CNGA3: variants seen among roughly 807,000 people sequenced by gnomAD.
CNGA3 encodes the protein cyclic nucleotide gated channel subunit alpha 3.
CNGA3 carries 42 observed loss-of-function variants against 46.6 expected under a neutral mutation model. The observed-to-expected ratio is 0.90, with a 90% confidence interval of 0.70 to 1.17. The LOEUF (loss-of-function observed/expected upper bound fraction) is 1.17. Among genes scored for constraint, CNGA3 ranks in the 50% most tolerant of loss-of-function variants. CNGA3 has a pLI of 0.00. For synonymous variants in CNGA3, 394 were observed against 369.4 expected, an observed-to-expected ratio of 1.07 and a Z score of -0.76; for missense variants, 893 against 890.7, an observed-to-expected ratio of 1.00 and a Z score of -0.03.
chr2:98,351,735 A>G (rs1691774675), intron 1 of CNGA3, among the ~76,000 whole-genome samples: 1 of 152,328 alleles, frequency 6.6e-6, no homozygotes, highest in South Asian at 2.1e-4. Flanking sequence ...GGTCATTATT[A>G]TTAATGTCAT....
chr2:98,394,368 G>T (rs992987173), intron 7 of CNGA3, among the ~76,000 whole-genome samples: 5 of 152,142 alleles, frequency 3.3e-5, no homozygotes, highest in Non-Finnish European at 4.4e-5. Flanking sequence ...TAACAGTCAC[G>T]TGCAACCAAG....
chr2:98,364,173 T>C (rs1264804533), intron 1 of CNGA3, among the ~76,000 whole-genome samples: 2 of 152,006 alleles, frequency 1.3e-5, no homozygotes. Context: ...AGATCAGAAG[T>C]TCAAGACTAG....
Position 98,369,948 on chromosome 2 carries a change from G to C in CNGA3, c.-28G>C. 6.4e-7 allele frequency: 1 copy of C among 1,572,344 alleles called. No homozygotes were observed. The highest frequency in any genetic ancestry group is 1.7e-4 in the Middle Eastern group (1 of 5,976). Reference sequence around the variant, plus strand: ...TGTGTTCACATTTTAGCAATCATCTGGGGGGCTAAATGTGACAAACCGAGA... The same window carrying C: ...TGTGTTCACATTTTAGCAATCATCTCGGGGGCTAAATGTGACAAACCGAGA... On this transcript the variant is annotated 5_prime_UTR_variant, in exon 2 of 8. Coordinates refer to ENST00000272602, the MANE Select transcript of CNGA3 (RefSeq NM_001298.3).
chr2:98,393,775 G>A (rs1033784243), intron 7 of CNGA3, among the ~76,000 whole-genome samples: 1 of 152,124 alleles, frequency 6.6e-6, no homozygotes. Flanking sequence ...CTGGGAGAGA[G>A]GGAGGCACAG....
chr2:98,367,167 G>GTTTATTTTCTTTTTTTTTTTTTT lies in CNGA3; in HGVS notation c.-37-2769_-37-2768insATTTTCTTTTTTTTTTTTTTTTT, dbSNP rs751611132. Among the ~76,000 whole-genome samples, 29 of 101,612 alleles carry GTTTATTTTCTTTTTTTTTTTTTT rather than the reference G, an allele frequency of 2.9e-4. 2 individuals carry two copies. Among genetic ancestry groups the GTTTATTTTCTTTTTTTTTTTTTT allele is most frequent in the African/African-American group, 8.7e-4 (26 of 29,930 alleles). The allele number at this position is 101,612 out of a possible 152,430, so 66.7% of individuals were successfully genotyped here. ...TTGGTGAGAACCTCTGACATCAGCT[G>GTTTATTTTCTTTTTTTTTTTTTT]TTTTTTTTCTTTTTTTTCTTTTTTT... On this transcript the variant is annotated intron_variant, in intron 1 of 7. Transcript: ENST00000272602.
At chr2:98,348,708 A>G (rs1691702100) in intron 1 of CNGA3, among the ~76,000 whole-genome samples, 1 of 152,158 alleles carries the variant, frequency 6.6e-6, no homozygotes, top group African/African-American at 2.4e-5. Flanking sequence ...GACCTAATGC[A>G]TTTTGGTAAC....
intron 1 of CNGA3, among the ~76,000 whole-genome samples, chr2:98,350,253 G>T (rs72819927): frequency 6.6e-6 from 1 of 152,006 alleles, no homozygotes; most frequent in Non-Finnish European, 1.5e-5. Flanking sequence ...CTTCCTCATC[G>T]AGTTGTTGTG....
chr2:98,380,361 A>G lies in CNGA3; in HGVS notation c.395+7A>G. 1 of 1,613,032 alleles carries G rather than the reference A, an allele frequency of 6.2e-7. No individual in the cohort carries two copies. The highest frequency in any genetic ancestry group is 8.5e-7 in the Non-Finnish European group (1 of 1,179,474). ...CAGCAGACAGAGGGAGAAGGTAAGG[A>G]ACGGAAAAGAAGAAGGGGCCTCTGG... On this transcript the variant is annotated splice_region_variant and intron_variant, in intron 4 of 7. Transcript: ENST00000272602.
At position 98,354,653 on chromosome 2, in the gene CNGA3, T is replaced by A. The variant is rs557750867; in HGVS notation, c.-38+8119T>A. 1.6e-4 allele frequency among the ~76,000 whole-genome samples: 24 copies of A among 152,250 alleles called. No individual in the cohort carries two copies. In the South Asian group the frequency reaches 5.0e-3, roughly 32 times the overall value. ...TTTAAAATATAGCTAGGCATGGTGG[T>A]GTGCACCTGTGGTCCCAGCTACTTA... On this transcript the variant is annotated intron_variant, in intron 1 of 7. Coordinates refer to ENST00000272602, the MANE Select transcript of CNGA3 (RefSeq NM_001298.3).
rs150887181 is a variant in CNGA3 at position 98,377,277 on chromosome 2, A to G, written c.102-410A>G. The G allele has an allele frequency of 2.1e-3, 430 of 203,348 alleles. 2 individuals are homozygous for G. Among genetic ancestry groups the G allele is most frequent in the African/African-American group, 9.5e-3 (413 of 43,426 alleles). 12.6% of individuals were successfully genotyped at this position (203,348 alleles called of 1,614,324 possible). A position where few individuals can be genotyped will look rare whatever the true frequency, so the allele number is the denominator to read the frequency against. ...AAGACCCCTAAGGAGCGGGTATTCA[A>G]TCTAGCCTCAGAAGATGAAATTCAG... On this transcript the variant is annotated intron_variant, in intron 2 of 7. Coordinates refer to ENST00000272602, the MANE Select transcript of CNGA3 (RefSeq NM_001298.3).
intron 3 of CNGA3, chr2:98,378,207 C>G: frequency 1.3e-6 from 2 of 1,549,344 alleles, no homozygotes; most frequent in South Asian, 1.2e-5. Flanking sequence ...GGGTGCTCGT[C>G]TGGACCCCAG....
rs116061102 is a variant in CNGA3 at position 98,389,033 on chromosome 2, T to G, written c.450-625T>G. ...AATAAAAGTTAAGCACTCTAAGCTATGTATTTCATTCCGTGCGGGCCCACG... is the reference window on the plus strand; with the variant it reads ...AATAAAAGTTAAGCACTCTAAGCTAGGTATTTCATTCCGTGCGGGCCCACG... On this transcript the variant is annotated intron_variant, in intron 5 of 7. Transcript: ENST00000272602. 5.0e-3 allele frequency among the ~76,000 whole-genome samples: 761 copies of G among 152,388 alleles called. 2 individuals are homozygous for G. Among genetic ancestry groups the G allele is most frequent in the East Asian group, 0.013 (67 of 5,192 alleles).
chr2:98,394,817 T>A (rs1200399794), intron 7 of CNGA3, among the ~76,000 whole-genome samples: 6 of 152,218 alleles, frequency 3.9e-5, no homozygotes, highest in Admixed American at 3.9e-4. Flanking sequence ...TGCCTTCCTT[T>A]TCTGCCCAGA....
In CNGA3 at chr2:98,396,917, G is replaced by C. The variant is rs768458537; in HGVS notation, c.1747G>C (p.Asp583His). ...YSDLFCLSKDDLMEALTEYPE... is the reference protein window; with the variant it reads ...YSDLFCLSKDHLMEALTEYPE... The stretch of plus-strand genomic sequence containing the variant: ...AGACCTGTTCTGCCTCTCAAAGGAC[G>C]ATCTCATGGAGGCCCTCACCGAGTA... Residue 583 changes from aspartate (D) to histidine (H), a missense_variant, in exon 8 of 8, where the codon GAT (aspartate) becomes CAT (histidine). Coordinates refer to ENST00000272602, the MANE Select transcript of CNGA3 (RefSeq NM_001298.3). The C allele has an allele frequency of 1.2e-6, 2 of 1,614,144 alleles. No individual in the cohort carries two copies. Among genetic ancestry groups the C allele is most frequent in the Non-Finnish European group, 8.5e-7 (1 of 1,180,042 alleles).
At chr2:98,390,777 G>A (rs928911406) in intron 6 of CNGA3, among the ~76,000 whole-genome samples, 3 of 152,166 alleles carry the variant, frequency 2.0e-5, no homozygotes, top group Non-Finnish European at 4.4e-5. Context: ...TTCCCAGCAG[G>A]CCTGCTCCAG....
In CNGA3 at chr2:98,391,964, C is replaced by T. The variant is rs138958917; in HGVS notation, c.667C>T (p.Arg223Trp). 212 of 1,613,534 alleles carry T rather than the reference C, an allele frequency of 1.3e-4. No homozygotes were observed. Among genetic ancestry groups the T allele is most frequent in the Non-Finnish European group, 1.7e-4 (202 of 1,179,870 alleles). ...TGTCTTGGATGTGCTTGTACGAGCT[C>T]GGACAGGTGAGTGTGCCCCAGGCCT... ...LYVLDVLVRA[R>W]TGFLEQGLMV... Residue 223 changes from arginine (R) to tryptophan (W), a missense_variant, in exon 7 of 8, where the codon CGG becomes TGG. By Grantham distance (101) the Arg-to-Trp change is moderately radical. Around this residue, in one of 3 missense-constraint regions of CNGA3, gnomAD observed 333 missense variants for 290.8 expected, o/e 1.15. Transcript: ENST00000272602.
intron 1 of CNGA3, among the ~76,000 whole-genome samples, chr2:98,363,806 A>G (rs4851129): frequency 0.86 from 131,417 of 152,082 alleles, 57,393 homozygotes; most frequent in African/African-American, 0.94. Context: ...TATCTATCAG[A>G]TCCACTTGAT....
At position 98,396,003 on chromosome 2, in the gene CNGA3, T is replaced by C. The variant is rs763421555; in HGVS notation, c.833T>C (p.Leu278Pro). Residue 278 changes from leucine to proline, a missense_variant, in exon 8 of 8, where the codon CTA becomes CCA. By Grantham distance (98) the Leu-to-Pro change is moderately conservative. Coordinates refer to ENST00000272602, the MANE Select transcript of CNGA3 (RefSeq NM_001298.3). ...TNYPEVRFNR[L>P]LKFSRLFEFF... ...TACCCAGAAGTGAGGTTCAACCGCC[T>C]ACTGAAGTTTTCCCGGCTCTTTGAA... The C allele has an allele frequency of 1.2e-6, 2 of 1,614,214 alleles. No individual in the cohort carries two copies. The highest frequency in any genetic ancestry group is 2.2e-5 in the East Asian group (1 of 44,884).
At chr2:98,385,191 A>G (rs1157705709) in intron 5 of CNGA3, among the ~76,000 whole-genome samples, 3 of 152,146 alleles carry the variant, frequency 2.0e-5, no homozygotes, top group Admixed American at 6.5e-5. Context: ...AATCTTGCAC[A>G]AGGCAAGCTG....
Sources: allele counts gnomAD v4.1 joint callset (sites outside exome capture counted in the v4.1 genomes callset), GRCh38; gene constraint gnomAD v4.1.1; regional missense constraint gnomAD v4.1.1; transcripts MANE v1.5; gene names NCBI Gene and HGNC (gene_info 2026-07-23, HGNC 2026-07-21).